The following ANKS1B variants were observed in gnomAD, a reference collection of about 807,000 sequenced individuals.
ANKS1B encodes the protein ankyrin repeat and sterile alpha motif domain-containing protein 1B.
Under a neutral mutation model 148.3 loss-of-function variants are expected in ANKS1B, and 36 were observed. The ratio of observed to expected loss-of-function variants is 0.24; its 90% confidence interval spans 0.19 to 0.32. The LOEUF (loss-of-function observed/expected upper bound fraction) is 0.32, where lower values mean the gene tolerates loss of function less well. Ranked by LOEUF, ANKS1B falls within the 10% of genes least tolerant of loss-of-function variation. The pLI, the probability that ANKS1B is intolerant of heterozygous loss-of-function variation, is 1.00. For missense variants in ANKS1B, 1,157 were observed against 1,542.6 expected (o/e 0.75, Z 4.19); for synonymous variants, 542 against 560.8 (o/e 0.97, Z 0.47).
chr12:99,158,556 A>T (rs898762371), intron 14 of ANKS1B, among the ~76,000 whole-genome samples: 4 of 152,198 alleles, frequency 2.6e-5, no homozygotes, highest in African/African-American at 4.8e-5. Context: ...CAAAAAACTT[A>T]ACTTGAAAAT....
chr12:99,438,174 T>C (rs951431971), intron 11 of ANKS1B, among the ~76,000 whole-genome samples: 3 of 151,882 alleles, frequency 2.0e-5, no homozygotes, highest in African/African-American at 4.8e-5. Context: ...TGTGAGGAAA[T>C]CACTTAAGTT....
chr12:99,268,038 T>C (rs920277507), intron 12 of ANKS1B, among the ~76,000 whole-genome samples: 19 of 152,184 alleles, frequency 1.2e-4, no homozygotes, highest in Non-Finnish European at 2.2e-4. Flanking sequence ...AAACCCAAAT[T>C]TTACTCTGCA....
intron 8 of ANKS1B, among the ~76,000 whole-genome samples, chr12:99,677,161 CT>C (rs1186402035): frequency 1.3e-5 from 2 of 152,170 alleles, no homozygotes; most frequent in African/African-American, 4.8e-5. Context: ...TCTAAGTACA[CT>C]TTTGCGCTCC....
At chr12:98,998,059 T>C (rs771103333) in intron 17 of ANKS1B, among the ~76,000 whole-genome samples, 15 of 152,222 alleles carry the variant, frequency 9.9e-5, no homozygotes, top group Non-Finnish European at 1.6e-4. Context: ...TGGTGTTCCA[T>C]GTATAACCTG....
At position 99,502,521 on chromosome 12, in the gene ANKS1B, C is replaced by T. The variant is rs191365533; in HGVS notation, c.1438+1955G>A. Among the ~76,000 whole-genome samples the T allele has an allele frequency of 6.1e-3, 923 of 152,218 alleles. 9 individuals carry two copies. Among genetic ancestry groups the T allele is most frequent in the African/African-American group, 0.02 (842 of 41,534 alleles). On this transcript the variant is annotated intron_variant, in intron 10 of 26. Transcript: ENST00000683438. ...TTCAGTATTTGATTCCTAATATCTA[C>T]CCCACCTCATCCCCTAGTAAAATGC...
intron 12 of ANKS1B, among the ~76,000 whole-genome samples, chr12:99,248,077 TA>T (rs1323776929): frequency 2.6e-5 from 4 of 152,186 alleles, no homozygotes; most frequent in Non-Finnish European, 5.9e-5. Flanking sequence ...TTGACACCCA[TA>T]ACAATCCTAT....
intron 9 of ANKS1B, among the ~76,000 whole-genome samples, chr12:99,553,577 C>G (rs985149201): frequency 2.6e-5 from 4 of 152,186 alleles, no homozygotes; most frequent in Non-Finnish European, 4.4e-5. Context: ...AGCATGAAAG[C>G]AGTCATAGAC....
chr12:98,941,253 C>T lies in ANKS1B; in HGVS notation c.2779-109117G>A, dbSNP rs370817277. On this transcript the variant is annotated intron_variant, in intron 17 of 26. Coordinates refer to ENST00000683438, the MANE Select transcript of ANKS1B (RefSeq NM_001352186.2). ...TGCCTGAAAGAAGCTTATCTAATAA[C>T]ACACGTATTTTCTCAAGACACATCA... 2.6e-5 allele frequency among the ~76,000 whole-genome samples: 4 copies of T among 152,154 alleles called. No individual in the cohort carries two copies. The East Asian group carries it at 7.7e-4, about 29-fold the overall frequency.
At chr12:99,739,911 T>A (rs2059937131) in intron 8 of ANKS1B, among the ~76,000 whole-genome samples, 1 of 152,202 alleles carries the variant, frequency 6.6e-6, no homozygotes, top group African/African-American at 2.4e-5. Context: ...ATTTGCTCCA[T>A]AGCACTTATC....
intron 19 of ANKS1B, among the ~76,000 whole-genome samples, chr12:98,827,827 T>C (rs1042029844): frequency 2.6e-5 from 4 of 152,158 alleles, no homozygotes; most frequent in Non-Finnish European, 2.9e-5. Context: ...CCAGTTCATA[T>C]TAATACACAA....
At chr12:98,866,604 A>T (rs2152303543) in intron 17 of ANKS1B, among the ~76,000 whole-genome samples, 1 of 152,292 alleles carries the variant, frequency 6.6e-6, no homozygotes, top group South Asian at 2.1e-4. Context: ...GATTCTCTAA[A>T]TGCACCAAGT....
intron 1 of ANKS1B, among the ~76,000 whole-genome samples, chr12:99,830,083 T>C (rs2083738681): frequency 6.6e-6 from 1 of 152,178 alleles, no homozygotes; most frequent in Non-Finnish European, 1.5e-5. Context: ...TTCATACCTA[T>C]TACTTCTACT....
intron 17 of ANKS1B, among the ~76,000 whole-genome samples, chr12:98,910,168 A>T (rs901148582): frequency 6.6e-6 from 1 of 152,256 alleles, no homozygotes; most frequent in Non-Finnish European, 1.5e-5. Context: ...AAAAGGAAAT[A>T]TAGTTTTGCT....
chr12:99,115,498 C>T (rs1035170102), intron 15 of ANKS1B, among the ~76,000 whole-genome samples: 12 of 152,012 alleles, frequency 7.9e-5, no homozygotes, highest in Admixed American at 2.0e-4. Flanking sequence ...GGGAGAAGAG[C>T]AGAAAAAATA....
chr12:99,764,134 T>C (rs990628860), intron 8 of ANKS1B, among the ~76,000 whole-genome samples: 1 of 152,230 alleles, frequency 6.6e-6, no homozygotes, highest in African/African-American at 2.4e-5. Context: ...TGACCTGTTC[T>C]ATCAATTCAA....
intron 19 of ANKS1B, among the ~76,000 whole-genome samples, chr12:98,819,626 G>A (rs910143631): frequency 6.6e-6 from 1 of 152,102 alleles, no homozygotes; most frequent in Admixed American, 6.6e-5. Flanking sequence ...GTCAAGTTTA[G>A]GCAGAAACTT....
intron 15 of ANKS1B, among the ~76,000 whole-genome samples, chr12:99,112,043 G>A (rs2060395026): frequency 6.6e-6 from 1 of 152,092 alleles, no homozygotes; most frequent in Admixed American, 6.5e-5. Context: ...TCTGAAATTT[G>A]TAAATTGCTT....
chr12:99,022,979 A>G (rs2099946702), intron 17 of ANKS1B, among the ~76,000 whole-genome samples: 1 of 152,202 alleles, frequency 6.6e-6, no homozygotes, highest in Non-Finnish European at 1.5e-5. Flanking sequence ...TTAACATAGT[A>G]ATACATATTT....
intron 17 of ANKS1B, among the ~76,000 whole-genome samples, chr12:99,039,969 A>T (rs747871124): frequency 1.1e-4 from 17 of 152,124 alleles, no homozygotes; most frequent in Non-Finnish European, 2.1e-4. Flanking sequence ...TGGCGTTTGT[A>T]TTGTAGTTTG....
Sources: gnomAD v4.1 joint callset for allele counts (sites outside exome capture counted in the v4.1 genomes callset) on GRCh38, gnomAD v4.1.1 for gene constraint, MANE v1.5 for transcripts, NCBI Gene and HGNC (gene_info 2026-07-23, HGNC 2026-07-21) for gene names.